The following POM121 variants were observed in gnomAD, a reference collection of about 807,000 sequenced individuals.
POM121 encodes nuclear envelope pore membrane protein POM 121.
Under a neutral mutation model 81.3 loss-of-function variants are expected in POM121, and 32 were observed. That is an observed-to-expected ratio of 0.39 (90% CI 0.30 to 0.53). The LOEUF (loss-of-function observed/expected upper bound fraction) is 0.53. Ranked by LOEUF, POM121 falls within the 20% of genes least tolerant of loss-of-function variation. The pLI, the probability that POM121 is intolerant of heterozygous loss-of-function variation, is 0.66. For missense variants in POM121, 1,138 were observed against 1,614.6 expected (o/e 0.70, Z 5.06); for synonymous variants, 514 against 694.2 (o/e 0.74, Z 4.08).
rs781955371 is a variant in POM121, at chr7:72,930,024, C to A, written c.1188C>A (p.Ser396=). The A allele has an allele frequency of 6.2e-7, 1 of 1,614,012 alleles. No individual in the cohort carries two copies. Among genetic ancestry groups the A allele is most frequent in the South Asian group, 1.1e-5 (1 of 91,080 alleles). The change falls in exon 5 of 13, where the codon TCC becomes TCA. Residue 396 remains serine (S), a synonymous_variant. Coordinates refer to ENST00000434423, the MANE Select transcript of POM121 (RefSeq NM_001387691.1). ...GATCCCGAAGCTCTTCCATGAGCTCCTTGACAGGCGCTTACGCAAGTGGCA... is the reference window on the plus strand; with the variant it reads ...GATCCCGAAGCTCTTCCATGAGCTCATTGACAGGCGCTTACGCAAGTGGCA... ...NKRSRSSSMS[S]LTGAYASGIP... is the part of the protein sequence containing the mutation.
chr7:72,924,282 A>G (rs1284543677), upstream of POM121: 1 of 152,096 alleles, frequency 6.6e-6, no homozygotes, highest in Non-Finnish European at 1.5e-5. Flanking sequence ...CTTCCTAACT[A>G]AACAGTTTCT....
chr7:72,944,303 T>G (rs1253405524), intron 11 of POM121, among the ~76,000 whole-genome samples: 4 of 151,932 alleles, frequency 2.6e-5, no homozygotes, highest in African/African-American at 9.7e-5. Context: ...GGCAGAAGGA[T>G]GCAGTGATGG....
At position 72,894,610 on chromosome 7, in the gene POM121, A is replaced by G. The variant is rs1214509579; in HGVS notation, c.-216+3500A>G. 7.7e-5 allele frequency among the ~76,000 whole-genome samples: 11 copies of G among 142,590 alleles called. 2 individuals are homozygous for G. The highest frequency in any genetic ancestry group is 1.7e-4 in the Non-Finnish European group (11 of 66,080). 93.5% of individuals were successfully genotyped at this position (142,590 alleles called of 152,430 possible). On this transcript the variant is annotated intron_variant, in intron 3 of 15. Transcript: ENST00000395270. ...AAAAAAACTCTTTCTAGAGAGAGAG[A>G]GAGATGAGAGAGAGAGGAGAGAGAG...
chr7:72,946,223 C>A lies in POM121; in HGVS notation c.3739C>A (p.Arg1247Ser). ...ACTGCAGGCCCGAAGGCAGCACACCCGCAAAAAGTAGCCTTTGTCCCCTGT... is the reference window on the plus strand; with the variant it reads ...ACTGCAGGCCCGAAGGCAGCACACCAGCAAAAAGTAGCCTTTGTCCCCTGT... ...QRLQARRQHTRKK is the reference protein window; with the variant it reads ...QRLQARRQHTSKK The change falls in exon 13 of 13, where the codon CGC becomes AGC. Residue 1247 changes from arginine (R) to serine (S), a missense_variant. Physicochemically the swap from Arg to Ser is moderately radical, Grantham distance 110 (BLOSUM62 -1). Coordinates refer to ENST00000434423, the MANE Select transcript of POM121 (RefSeq NM_001387691.1). The A allele has an allele frequency of 6.2e-7, 1 of 1,611,206 alleles. No homozygotes were observed. Among genetic ancestry groups the A allele is most frequent in the East Asian group, 2.2e-5 (1 of 44,846 alleles).
At chr7:72,948,617 A>G (rs1554503924), downstream of POM121, 6 of 1,604,562 alleles carry the variant, frequency 3.7e-6, no homozygotes, top group Non-Finnish European at 3.4e-6. Context: ...TGTAGATGTT[A>G]GATGTGCCAG....
At chr7:72,917,647 G>A (rs561830291) in intron 4 of POM121, among the ~76,000 whole-genome samples, 1 of 152,326 alleles carries the variant, frequency 6.6e-6, no homozygotes, top group Admixed American at 6.5e-5. Flanking sequence ...CACAGTTCTA[G>A]AGGCCAGAAG....
At chr7:72,920,666 C>A (rs1347063901), upstream of POM121, among the ~76,000 whole-genome samples, 14 of 151,696 alleles carry the variant, frequency 9.2e-5, no homozygotes, top group Non-Finnish European at 1.9e-4. Flanking sequence ...TTTTTTATTC[C>A]TATATACATT....
At chr7:72,926,060 G>C (rs1483330244) in intron 1 of POM121, among the ~76,000 whole-genome samples, 3 of 152,136 alleles carry the variant, frequency 2.0e-5, no homozygotes, top group Non-Finnish European at 4.4e-5. Flanking sequence ...GAAATCCATT[G>C]TTGAGACAGC....
chr7:72,938,390 T>A (rs1422414148), intron 5 of POM121, among the ~76,000 whole-genome samples, 200 bp from the exon 6 acceptor site: 1 of 152,124 alleles, frequency 6.6e-6, no homozygotes, highest in Non-Finnish European at 1.5e-5. Context: ...GGGGTCTCGC[T>A]ATGTTACCCA....
At chr7:72,937,693 C>A (rs1314068911) in intron 5 of POM121, among the ~76,000 whole-genome samples, 1 of 152,154 alleles carries the variant, frequency 6.6e-6, no homozygotes, top group African/African-American at 2.4e-5. Flanking sequence ...TCTGAGGTGA[C>A]AGTTTAGTGG....
chr7:72,892,991 C>A (rs1242365466), intron 3 of POM121, among the ~76,000 whole-genome samples: 23 of 151,628 alleles, frequency 1.5e-4, no homozygotes, highest in Non-Finnish European at 2.5e-4. Context: ...CAGAGTCTCA[C>A]TCTGTCACTG....
At chr7:72,914,299 A>C (rs180930584) in intron 4 of POM121, among the ~76,000 whole-genome samples, 1 of 152,232 alleles carries the variant, frequency 6.6e-6, no homozygotes, top group African/African-American at 2.4e-5. Flanking sequence ...CACTGATCAC[A>C]CTTAAGACTC....
rs1795451247 is a variant in POM121 at position 72,926,420 on chromosome 7, G to A, written c.803G>A (p.Cys268Tyr). Reference sequence around the variant, plus strand: ...TCCCCTCGCAACTCCAGGATGGTGTGTAGCCCAGTGACTGTGAGGATCGCC... The same window carrying A: ...TCCCCTCGCAACTCCAGGATGGTGTATAGCCCAGTGACTGTGAGGATCGCC... ...VLSPRNSRMV[C>Y]SPVTVRIAPP... The change falls in exon 2 of 13, where the codon TGT (cysteine) becomes TAT (tyrosine). Residue 268 changes from cysteine to tyrosine, a missense_variant. Cys to Tyr is a radical substitution (Grantham distance 194). Around this residue, in one of 7 missense-constraint regions of POM121, gnomAD observed 646 missense variants for 633.5 expected, o/e 1.02. Coordinates refer to ENST00000434423, the MANE Select transcript of POM121 (RefSeq NM_001387691.1). 1 of 1,613,856 alleles carries A rather than the reference G, an allele frequency of 6.2e-7. No individual in the cohort carries two copies. Among genetic ancestry groups the A allele is most frequent in the South Asian group, 1.1e-5 (1 of 91,082 alleles).
At chr7:72,886,267 T>G (rs1193501013) in intron 1 of POM121, among the ~76,000 whole-genome samples, 237 of 144,220 alleles carry the variant, frequency 1.6e-3, no homozygotes, top group Middle Eastern at 6.9e-3. Flanking sequence ...TCTGCCTCCC[T>G]GGTTCAAGTG....
At chr7:72,920,123 T>A (rs1554495738), upstream of POM121, among the ~76,000 whole-genome samples, 2 of 152,158 alleles carry the variant, frequency 1.3e-5, no homozygotes, top group African/African-American at 4.8e-5. Context: ...TCTAATATTT[T>A]TCTATGTCTC....
At chr7:72,895,776 G>T (rs1181918438) in intron 3 of POM121, among the ~76,000 whole-genome samples, 2 of 151,842 alleles carry the variant, frequency 1.3e-5, no homozygotes, top group Admixed American at 6.6e-5. Context: ...AGGCGTGGTG[G>T]TGCACGCCTG....
At chr7:72,909,803 A>G (rs1793631690) in intron 3 of POM121, among the ~76,000 whole-genome samples, 1 of 152,172 alleles carries the variant, frequency 6.6e-6, no homozygotes, top group African/African-American at 2.4e-5. Flanking sequence ...ACACACTACC[A>G]TGCCCAGCTA....
Position 72,926,242 on chromosome 7 carries a change from T to C in POM121, c.645-20T>C. ...TTCTTTTTTGCTTTGGTTCCGTGAT[T>C]TGTCTCGCATTCTCTGCAGGGATTG... On this transcript the variant is annotated intron_variant, in intron 1 of 12. Coordinates refer to ENST00000434423, the MANE Select transcript of POM121 (RefSeq NM_001387691.1). 6.5e-7 allele frequency: 1 copy of C among 1,546,382 alleles called. No individual in the cohort carries two copies. The highest frequency in any genetic ancestry group is 8.8e-7 in the Non-Finnish European group (1 of 1,142,288).
intron 1 of POM121, among the ~76,000 whole-genome samples, chr7:72,884,225 C>A (rs2129574417): frequency 6.6e-6 from 1 of 152,232 alleles, no homozygotes; most frequent in African/African-American, 2.4e-5. Flanking sequence ...AGATAAATTT[C>A]TATTCTCTAT....
Sources: allele counts gnomAD v4.1 joint callset (sites outside exome capture counted in the v4.1 genomes callset), GRCh38; gene constraint gnomAD v4.1.1; regional missense constraint gnomAD v4.1.1; transcripts MANE v1.5; gene names NCBI Gene and HGNC (gene_info 2026-07-23, HGNC 2026-07-21).